The following HDAC5 variants were observed in gnomAD, a reference collection of about 807,000 sequenced individuals.
HDAC5 encodes antigen NY-CO-9.
HDAC5 carries 25 observed loss-of-function variants against 133.3 expected under a neutral mutation model. The ratio of observed to expected loss-of-function variants is 0.19; its 90% CI spans 0.14 to 0.26. The LOEUF (loss-of-function observed/expected upper bound fraction) is 0.26. Among genes scored for constraint, HDAC5 ranks in the 10% least tolerant of loss-of-function variants. The pLI, the probability that HDAC5 is intolerant of heterozygous loss-of-function variation, is 1.00. For synonymous variants in HDAC5, 589 were observed against 610.8 expected (o/e 0.96, Z 0.53); for missense variants, 1,041 against 1,460.5 (o/e 0.71, Z 4.68).
chr17:44,123,384 G>GGGCGCGGAGCGC (rs2053133608), intron 1 of HDAC5, 120 bp downstream of exon 1: 4 of 340,216 alleles, frequency 1.2e-5, no homozygotes, highest in Non-Finnish European at 1.6e-5. Context: ...GAAGGAAGGG[G>GGGCGCGGAGCGC]GGCGCGGAGC....
chr17:44,083,895 G>C, intron 16 of HDAC5, 41 bp from the exon 17 acceptor site: 1 of 1,560,154 alleles, frequency 6.4e-7, no homozygotes, highest in Non-Finnish European at 8.8e-7. Flanking sequence ...AAGTGGCCTC[G>C]GGCGGATCAC....
intron 3 of HDAC5, among the ~76,000 whole-genome samples, chr17:44,107,268 T>C (rs961404689): frequency 4.6e-5 from 7 of 152,166 alleles, no homozygotes; most frequent in African/African-American, 1.7e-4. Context: ...TTAACCTCTC[T>C]GAGCCTTCTC....
At chr17:44,098,783 C>T (rs990176267) in intron 3 of HDAC5, among the ~76,000 whole-genome samples, 1 of 150,648 alleles carries the variant, frequency 6.6e-6, no homozygotes, top group African/African-American at 2.4e-5. Flanking sequence ...GCACTGTTCC[C>T]TAAGAGGACA....
At chr17:44,090,267 C>G (rs575447299) in intron 11 of HDAC5, among the ~76,000 whole-genome samples, 1 of 152,120 alleles carries the variant, frequency 6.6e-6, no homozygotes, top group Admixed American at 6.5e-5. Context: ...ATAGCAAGAT[C>G]CTGTCTCTAC....
Position 44,082,270 on chromosome 17 carries a change from G to A in HDAC5, c.2607+315C>T, listed in dbSNP as rs989156502. 2.3e-5 allele frequency: 9 copies of A among 386,038 alleles called. No homozygotes were observed. In the East Asian group the frequency reaches 2.4e-4, roughly 10 times the overall value. The allele number at this position is 386,038 out of a possible 1,614,324, so 23.9% of individuals were successfully genotyped here. On this transcript the variant is annotated intron_variant, in intron 20 of 26. Coordinates refer to ENST00000682912, the MANE Select transcript of HDAC5 (RefSeq NM_005474.5). ...ATTGTAGGGGGTGGGAGGAAATATC[G>A]GCTACTAGCAATGGCGGCAGCGTCA...
At position 44,118,016 on chromosome 17, in the gene HDAC5, G is replaced by A. The variant is rs75716859; in HGVS notation, c.-189-312C>T. Among the ~76,000 whole-genome samples the A allele has an allele frequency of 7.3e-3, 1,118 of 152,302 alleles. 17 individuals carry two copies. The highest frequency in any genetic ancestry group is 0.026 in the African/African-American group (1,069 of 41,554). ...CCAACAGTGCCTGCCATGGGACTAG[G>A]TGTGCACCAAAGGAGAAAGTGCAGG... On this transcript the variant is annotated intron_variant, in intron 1 of 26. Transcript: ENST00000682912.
In HDAC5 at chr17:44,092,396, C is replaced by T; in HGVS notation, c.904G>A (p.Gly302Ser). 6.2e-7 allele frequency: 1 copy of T among 1,613,046 alleles called. No individual in the cohort carries two copies. The highest frequency in any genetic ancestry group is 8.5e-7 in the Non-Finnish European group (1 of 1,179,134). The part of the protein sequence containing the change: ...TFKKRAVEIT[G>S]AGPGASSVCN... ...CAGCCCTTACCCCCAGGCCCGGCAC[C>T]TGTGATCTCAACAGCTCTCTTCTTA... The change falls in exon 8 of 27, where the codon GGT (glycine) becomes AGT (serine). Residue 302 changes from glycine to serine, a missense_variant. Physicochemically the swap from Gly to Ser is moderately conservative, Grantham distance 56. Transcript: ENST00000682912.
chr17:44,079,370 G>A (rs566630052), intron 23 of HDAC5, 93 bp from the exon 24 acceptor site: 54 of 1,309,504 alleles, frequency 4.1e-5, no homozygotes, highest in East Asian at 1.2e-4. Context: ...GGCCAGGCGC[G>A]GTGGCTCACG....
At chr17:44,087,952 T>C (rs1444682407) in intron 12 of HDAC5, among the ~76,000 whole-genome samples, 1 of 152,064 alleles carries the variant, frequency 6.6e-6, no homozygotes, top group African/African-American at 2.4e-5. Context: ...CAAGCGATTC[T>C]CCTGCCTCAG....
chr17:44,103,791 C>T (rs1021871136), intron 3 of HDAC5, among the ~76,000 whole-genome samples: 2 of 151,398 alleles, frequency 1.3e-5, no homozygotes, highest in East Asian at 4.0e-4. Context: ...TCACTGCAAT[C>T]CCTGCCTCCC....
chr17:44,079,129 C>G lies in HDAC5; in HGVS notation c.3078+15G>C, dbSNP rs200668754. ...CCTCTGGCCTGCCACCTCCCAGCTC[C>G]TTCCCACCCCTTACCTCTACACTGA... On this transcript the variant is annotated intron_variant, in intron 24 of 26. Transcript: ENST00000682912. 108 of 1,605,804 alleles carry G rather than the reference C, an allele frequency of 6.7e-5. No homozygotes were observed. The highest frequency in any genetic ancestry group is 5.0e-4 in the Middle Eastern group (3 of 6,058).
At chr17:44,092,058 CAG>C in intron 9 of HDAC5, 112 bp downstream of exon 9, 1 of 1,002,342 alleles carries the variant, frequency 1.0e-6, no homozygotes, top group South Asian at 1.6e-5. Flanking sequence ...TTCATGTGGG[CAG>C]AGAGGTCTCT....
intron 12 of HDAC5, 51 bp downstream of exon 12, chr17:44,088,336 C>T (rs1279386969): frequency 2.0e-6 from 3 of 1,531,426 alleles, no homozygotes; most frequent in East Asian, 2.5e-5. Context: ...TGGTACTCTC[C>T]TGTGTCCTGC....
At chr17:44,099,913 G>C (rs1015811737) in intron 3 of HDAC5, among the ~76,000 whole-genome samples, 2 of 152,184 alleles carry the variant, frequency 1.3e-5, no homozygotes, top group Admixed American at 1.3e-4. Context: ...CATCCCGCTG[G>C]GTCTGCCTCC....
chr17:44,085,016 C>CTAAG lies in HDAC5; in HGVS notation c.2184+5_2184+6insCTTA. On this transcript the variant is annotated splice_donor_region_variant and intron_variant, in intron 15 of 26. Coordinates refer to ENST00000682912, the MANE Select transcript of HDAC5 (RefSeq NM_005474.5). Reference sequence around the variant, plus strand: ...TGAGAGCCAGAAGAAGGAGGGGCTCCCTTACCTCGCACTTGCTAAGCAGGC... The same window carrying CTAAG: ...TGAGAGCCAGAAGAAGGAGGGGCTCCTAAGCTTACCTCGCACTTGCTAAGCAGGC... 7.0e-6 allele frequency: 11 copies of CTAAG among 1,579,250 alleles called. No homozygotes were observed. Among genetic ancestry groups the CTAAG allele is most frequent in the Non-Finnish European group, 9.5e-6 (11 of 1,153,344 alleles).
chr17:44,100,578 C>CAAAAAAA (rs869274112), intron 3 of HDAC5, among the ~76,000 whole-genome samples: 2 of 89,374 alleles, frequency 2.2e-5, no homozygotes, highest in African/African-American at 4.8e-5. Flanking sequence ...ACTAAAGATA[C>CAAAAAAA]AAAAAAAAAA....
chr17:44,092,799 G>A lies in HDAC5; in HGVS notation c.649C>T (p.His217Tyr), dbSNP rs1295053726. ...LPQHPKCWGA[H>Y]HASLDQSSPP... ...GAACTCTGGTCCAAAGAAGCATGGT[G>A]GGCTCCCCTGGGGTGGGGGGGGGGT... Residue 217 changes from histidine (H) to tyrosine (Y), a missense_variant, in exon 7 of 27, where the codon CAC becomes TAC. Coordinates refer to ENST00000682912, the MANE Select transcript of HDAC5 (RefSeq NM_005474.5). The A allele has an allele frequency of 8.1e-6, 9 of 1,116,816 alleles. No individual in the cohort carries two copies. The highest frequency in any genetic ancestry group is 4.2e-5 in the African/African-American group (2 of 48,130). The allele number at this position is 1,116,816 out of a possible 1,614,324, so 69.2% of individuals were successfully genotyped here. A position where few individuals can be genotyped will look rare whatever the true frequency, so the allele number is the denominator to read the frequency against.
chr17:44,088,583 T>C lies in HDAC5; in HGVS notation c.1403A>G (p.Gln468Arg). The change falls in exon 12 of 27, where the codon CAG (glutamine) becomes CGG (arginine). Residue 468 changes from glutamine (Q) to arginine (R), a missense_variant. Gln to Arg is a conservative substitution (Grantham distance 43). Transcript: ENST00000682912. ...ACGTTCACCCGTCACTAGTGGGGAC[T>C]GCCCGTGGAGTGGCACTACGGAGTT... ...STLIAVPLHG[Q>R]SPLVTGERVA... is the part of the protein sequence containing the mutation. The C allele has an allele frequency of 6.2e-7, 1 of 1,613,072 alleles. No homozygotes were observed. The highest frequency in any genetic ancestry group is 8.5e-7 in the Non-Finnish European group (1 of 1,179,696).
intron 11 of HDAC5, among the ~76,000 whole-genome samples, chr17:44,089,767 A>AC (rs2050845574): frequency 6.7e-6 from 1 of 148,910 alleles, no homozygotes; most frequent in African/African-American, 2.5e-5. Context: ...AAAAAAAAAA[A>AC]AAAAAAATTA....
Sources: gnomAD v4.1 joint callset for allele counts (sites outside exome capture counted in the v4.1 genomes callset) on GRCh38, gnomAD v4.1.1 for gene constraint, MANE v1.5 for transcripts, NCBI Gene and HGNC (gene_info 2026-07-23, HGNC 2026-07-21) for gene names.